LRRC37A2: variants seen among roughly 807,000 people sequenced by gnomAD.
LRRC37A2 encodes leucine rich repeat containing 37 member A2, also known as leucine-rich repeat-containing protein 37A2.
In LRRC37A2, 9 loss-of-function variants were observed where a neutral mutation model predicts 68.8. The observed-to-expected ratio is 0.13, with a 90% CI of 0.08 to 0.23. The LOEUF is 0.23. Ranked by LOEUF, LRRC37A2 falls within the 10% of genes least tolerant of loss-of-function variation. The pLI is 1.00. For missense variants in LRRC37A2, 168 were observed against 950.4 expected (o/e 0.18, Z 10.82); for synonymous variants, 63 against 367.6 (o/e 0.17, Z 9.48).
chr17:46,775,864 C>A, the LRRC37A2 span, among the ~76,000 whole-genome samples: 1 of 152,056 alleles, frequency 6.6e-6, no homozygotes, highest in Non-Finnish European at 1.5e-5. Flanking sequence ...CCACACACCT[C>A]GGCCTCCCAA....
At chr17:46,952,249 G>A in the LRRC37A2 span, among the ~76,000 whole-genome samples, 1 of 152,194 alleles carries the variant, frequency 6.6e-6, no homozygotes, top group Admixed American at 6.5e-5. Flanking sequence ...AGCGAGGGCT[G>A]CCTCCTCCAG....
chr17:46,707,542 T>C, the LRRC37A2 span, among the ~76,000 whole-genome samples: 1 of 152,092 alleles, frequency 6.6e-6, no homozygotes. Context: ...AACTCTTTTT[T>C]CCCTCCCCTA....
At chr17:47,018,026 TGAG>T in the LRRC37A2 span, 5 of 1,499,930 alleles carry the variant, frequency 3.3e-6, no homozygotes, top group Non-Finnish European at 4.6e-6. Flanking sequence ...TACCGAATCA[TGAG>T]GTGTCAGTTC....
chr17:46,769,632 T>G, the LRRC37A2 span: 2 of 960,152 alleles, frequency 2.1e-6, no homozygotes, highest in Non-Finnish European at 3.1e-6. Flanking sequence ...GAAGTGGCTG[T>G]GGGGTGGGGA....
the LRRC37A2 span, among the ~76,000 whole-genome samples, chr17:46,823,278 G>T: frequency 3.4e-5 from 5 of 145,924 alleles, no homozygotes; most frequent in African/African-American, 5.1e-5. Context: ...GCAATGGCGC[G>T]GTCTCGACTC....
chr17:46,875,156 C>A, the LRRC37A2 span: 1 of 1,614,042 alleles, frequency 6.2e-7, no homozygotes, highest in South Asian at 1.1e-5. Context: ...TCACCCACAC[C>A]CTGGCCCGGG....
chr17:46,790,093 G>A, the LRRC37A2 span, among the ~76,000 whole-genome samples: 1 of 152,086 alleles, frequency 6.6e-6, no homozygotes, highest in African/African-American at 2.4e-5. Context: ...TCCATCCCCA[G>A]GCGAGGCAGT....
the LRRC37A2 span, among the ~76,000 whole-genome samples, chr17:46,492,803 C>T: frequency 2.0e-5 from 3 of 149,206 alleles, no homozygotes; most frequent in South Asian, 4.2e-4. Context: ...ATGCCATTCT[C>T]CTGCCTCAGC....
chr17:46,659,688 A>G, the LRRC37A2 span, among the ~76,000 whole-genome samples: 1 of 142,728 alleles, frequency 7.0e-6, no homozygotes, highest in Non-Finnish European at 1.5e-5. Flanking sequence ...AAATGCATAT[A>G]GCTCTACGAG....
At chr17:46,885,253 G>A in the LRRC37A2 span, 1,871 of 292,620 alleles carry the variant, frequency 6.4e-3, 9 homozygotes, top group Non-Finnish European at 8.6e-3. Flanking sequence ...TGATCCACCC[G>A]CCTCGGCCTC....
the LRRC37A2 span, among the ~76,000 whole-genome samples, chr17:46,380,906 C>T: frequency 2.3e-4 from 2 of 8,604 alleles, 1 homozygote; most frequent in African/African-American, 2.6e-4. Flanking sequence ...CCGGCTAAAA[C>T]GGTGAAACCC....
At chr17:46,872,448 C>T in the LRRC37A2 span, 3 of 1,429,286 alleles carry the variant, frequency 2.1e-6, no homozygotes, top group East Asian at 2.6e-5. Flanking sequence ...TGAGGAGGCC[C>T]CTTCCCTTCA....
At chr17:46,816,468 A>AACACACAC in the LRRC37A2 span, among the ~76,000 whole-genome samples, 2 of 96,434 alleles carry the variant, frequency 2.1e-5, no homozygotes, top group East Asian at 8.1e-4. Flanking sequence ...ATAGACCCAG[A>AACACACAC]ACACACGCAC....
chr17:46,723,379 A>G, the LRRC37A2 span, among the ~76,000 whole-genome samples: 1 of 152,244 alleles, frequency 6.6e-6, no homozygotes, highest in Non-Finnish European at 1.5e-5. Flanking sequence ...AGTTTATAAG[A>G]TACCACATTG....
At chr17:46,823,107 A>G in the LRRC37A2 span, among the ~76,000 whole-genome samples, 1 of 127,160 alleles carries the variant, frequency 7.9e-6, no homozygotes, top group Non-Finnish European at 1.6e-5. Flanking sequence ...TATAATAAAC[A>G]CATATATTAT....
At chr17:46,882,352 G>C in the LRRC37A2 span, among the ~76,000 whole-genome samples, 1 of 152,170 alleles carries the variant, frequency 6.6e-6, no homozygotes, top group Admixed American at 6.5e-5. Flanking sequence ...TCTCAACTGA[G>C]ATTTGCCTGA....
the LRRC37A2 span, among the ~76,000 whole-genome samples, chr17:46,841,865 C>T: frequency 1.1e-3 from 165 of 152,374 alleles, no homozygotes; most frequent in African/African-American, 3.9e-3. Flanking sequence ...AGGCCGACCC[C>T]GCAGGGCCCT....
the LRRC37A2 span, among the ~76,000 whole-genome samples, chr17:46,945,843 A>G: frequency 2.6e-5 from 4 of 152,196 alleles, no homozygotes; most frequent in Non-Finnish European, 5.9e-5. Context: ...TGTGAATGTC[A>G]AAAGGTAAAA....
the LRRC37A2 span, chr17:46,940,765 C>T: frequency 1.2e-5 from 18 of 1,535,046 alleles, no homozygotes; most frequent in African/African-American, 1.4e-4. Context: ...AGAGCCAGTC[C>T]TCTAGTTTGG....
Sources: gnomAD v4.1 joint callset for allele counts (sites outside exome capture counted in the v4.1 genomes callset) on GRCh38, gnomAD v4.1.1 for gene constraint, MANE v1.5 for transcripts, NCBI Gene and HGNC (gene_info 2026-07-23, HGNC 2026-07-21) for gene names.